Variants in CCSER1 observed in about 807,000 individuals in gnomAD.
CCSER1 encodes the protein coiled-coil serine rich protein 1, also known as serine-rich coiled-coil domain-containing protein 1.
In CCSER1, 41 loss-of-function variants were observed where a neutral mutation model predicts 82.0. The ratio of observed to expected loss-of-function variants is 0.50; its 90% CI spans 0.39 to 0.65. CCSER1 has a LOEUF of 0.65. Among genes scored for constraint, CCSER1 ranks in the 30% least tolerant of loss-of-function variants. The probability of loss-of-function intolerance (pLI) is 0.00; values close to 1 mark genes in which losing one functional copy is unlikely to be tolerated. For synonymous variants in CCSER1, 414 were observed against 383.9 expected (o/e 1.08, Z -0.92); for missense variants, 1,119 against 1,064.2 (o/e 1.05, Z -0.72).
At chr4:91,081,314 A>C (rs1722708068) in intron 9 of CCSER1, among the ~76,000 whole-genome samples, 1 of 152,174 alleles carries the variant, frequency 6.6e-6, no homozygotes, top group Non-Finnish European at 1.5e-5. Flanking sequence ...AAACCACATG[A>C]TTATCTCAAT....
At chr4:90,784,670 C>A (rs939445664) in intron 7 of CCSER1, among the ~76,000 whole-genome samples, 1 of 152,124 alleles carries the variant, frequency 6.6e-6, no homozygotes, top group African/African-American at 2.4e-5. Context: ...CCTTGAACAA[C>A]AAGGGAGATA....
chr4:90,902,888 G>T (rs1400779695), intron 8 of CCSER1, among the ~76,000 whole-genome samples: 1 of 152,016 alleles, frequency 6.6e-6, no homozygotes. Flanking sequence ...TCTCAGGGGA[G>T]GGGACAAGGG....
chr4:90,398,421 T>G (rs1192727458), intron 3 of CCSER1, among the ~76,000 whole-genome samples: 1 of 152,250 alleles, frequency 6.6e-6, no homozygotes, highest in East Asian at 1.9e-4. Flanking sequence ...CCTTTCACTA[T>G]AAAATGTATT....
chr4:90,155,274 A>G (rs1172130068), intron 1 of CCSER1, among the ~76,000 whole-genome samples: 5 of 152,122 alleles, frequency 3.3e-5, no homozygotes, highest in South Asian at 2.1e-4. Context: ...TGTTGGATTC[A>G]GTTTGCCAGT....
chr4:90,559,462 C>T (rs970585595), intron 5 of CCSER1, among the ~76,000 whole-genome samples: 1 of 152,034 alleles, frequency 6.6e-6, no homozygotes, highest in Non-Finnish European at 1.5e-5. Flanking sequence ...CCTTTATACA[C>T]TTGCATTGAG....
At chr4:90,867,364 T>C (rs900273368) in intron 8 of CCSER1, among the ~76,000 whole-genome samples, 1 of 152,100 alleles carries the variant, frequency 6.6e-6, no homozygotes, top group African/African-American at 2.4e-5. Flanking sequence ...TTAACCGCAT[T>C]CAATTTAATA....
intron 4 of CCSER1, among the ~76,000 whole-genome samples, chr4:90,422,222 G>A (rs1007343148): frequency 5.9e-5 from 9 of 152,114 alleles, no homozygotes; most frequent in Non-Finnish European, 1.2e-4. Flanking sequence ...AACACAAATA[G>A]AAGGATTATT....
intron 9 of CCSER1, among the ~76,000 whole-genome samples, chr4:91,034,309 C>T (rs996888915): frequency 9.9e-5 from 15 of 151,964 alleles, no homozygotes; most frequent in Admixed American, 7.2e-4. Context: ...CACTTTTTAC[C>T]CAAAATGCCA....
At chr4:90,685,214 T>A (rs1734598881) in intron 6 of CCSER1, among the ~76,000 whole-genome samples, 1 of 152,002 alleles carries the variant, frequency 6.6e-6, no homozygotes, top group Non-Finnish European at 1.5e-5. Flanking sequence ...CTGCCTTCTG[T>A]TTGCTGGTGA....
chr4:91,085,195 T>C (rs1723247611), intron 9 of CCSER1, among the ~76,000 whole-genome samples: 1 of 152,034 alleles, frequency 6.6e-6, no homozygotes, highest in South Asian at 2.1e-4. Context: ...TTATGTGCTA[T>C]TCAAATTTTC....
chr4:90,200,947 C>T (rs973246794), intron 1 of CCSER1, among the ~76,000 whole-genome samples: 1 of 152,054 alleles, frequency 6.6e-6, no homozygotes, highest in Non-Finnish European at 1.5e-5. Context: ...AAATCAGCAG[C>T]ATTTTTTATT....
intron 7 of CCSER1, among the ~76,000 whole-genome samples, chr4:90,756,481 G>A (rs2149501661): frequency 6.6e-6 from 1 of 152,208 alleles, no homozygotes; most frequent in East Asian, 1.9e-4. Flanking sequence ...TTTTTAAATT[G>A]AAGTTAGCCA....
At chr4:90,569,817 G>A (rs1560736389) in intron 5 of CCSER1, among the ~76,000 whole-genome samples, 1 of 152,176 alleles carries the variant, frequency 6.6e-6, no homozygotes, top group Non-Finnish European at 1.5e-5. Context: ...CAGGACTGAG[G>A]TGCATCTGAT....
intron 4 of CCSER1, among the ~76,000 whole-genome samples, chr4:90,447,880 T>C (rs1330581938): frequency 6.6e-6 from 1 of 152,228 alleles, no homozygotes; most frequent in Non-Finnish European, 1.5e-5. Flanking sequence ...TATTTTCTTA[T>C]GCATAATTTT....
At chr4:90,811,120 T>C (rs1456780622) in intron 7 of CCSER1, among the ~76,000 whole-genome samples, 2 of 152,148 alleles carry the variant, frequency 1.3e-5, no homozygotes, top group East Asian at 3.9e-4. Flanking sequence ...GTTACAGGCA[T>C]GAGCCACCGC....
intron 6 of CCSER1, among the ~76,000 whole-genome samples, chr4:90,660,413 A>G (rs1199416781): frequency 6.6e-6 from 1 of 152,100 alleles, no homozygotes; most frequent in Non-Finnish European, 1.5e-5. Context: ...ATTATCCTTA[A>G]TGAAACAACT....
chr4:90,191,330 A>G (rs1041024034), intron 1 of CCSER1, among the ~76,000 whole-genome samples: 3 of 151,992 alleles, frequency 2.0e-5, no homozygotes, highest in Admixed American at 6.6e-5. Context: ...TGTGAAGCAC[A>G]TGTACTAGTT....
intron 1 of CCSER1, among the ~76,000 whole-genome samples, chr4:90,168,727 T>C (rs1201505246): frequency 2.0e-5 from 3 of 150,824 alleles, no homozygotes; most frequent in African/African-American, 7.4e-5. Context: ...ATTTATTAAA[T>C]AGGGAATCCT....
chr4:91,177,995 A>G (rs1733585241), intron 10 of CCSER1, among the ~76,000 whole-genome samples: 1 of 152,092 alleles, frequency 6.6e-6, no homozygotes, highest in Non-Finnish European at 1.5e-5. Context: ...TGTCCCAGAG[A>G]TTCTGGTATG....
Sources: gnomAD v4.1 joint callset for allele counts (sites outside exome capture counted in the v4.1 genomes callset) on GRCh38, gnomAD v4.1.1 for gene constraint, MANE v1.5 for transcripts, NCBI Gene and HGNC (gene_info 2026-07-23, HGNC 2026-07-21) for gene names.